The following STN1 variants were observed in gnomAD, a reference collection of about 807,000 sequenced individuals.
STN1 encodes CST complex subunit STN1.
A neutral mutation model predicts 45.5 loss-of-function variants in STN1; 29 were observed. The observed-to-expected ratio is 0.64, with a 90% CI of 0.47 to 0.87. The LOEUF (loss-of-function observed/expected upper bound fraction) is 0.87. Ranked by LOEUF, STN1 falls within the 40% of genes least tolerant of loss-of-function variation. The pLI is 0.00. For synonymous variants in STN1, 148 were observed against 159.0 expected (o/e 0.93, Z 0.52); for missense variants, 376 against 441.4 (o/e 0.85, Z 1.33).
chr10:103,892,880 C>T (rs748805422), intron 7 of STN1, among the ~76,000 whole-genome samples: 7 of 152,140 alleles, frequency 4.6e-5, no homozygotes, highest in Admixed American at 6.5e-5. Flanking sequence ...TCTGGAGACA[C>T]GTTTGCCTGG....
intron 4 of STN1, among the ~76,000 whole-genome samples, chr10:103,903,280 T>G (rs1402302398): frequency 6.6e-6 from 1 of 152,224 alleles, no homozygotes; most frequent in Non-Finnish European, 1.5e-5. Flanking sequence ...AGAAAAACTT[T>G]GCTGACTCCC....
rs563781011 is a variant in STN1 at position 103,897,554 on chromosome 10, G to A, written c.747C>T (p.Ser249=). ...ANQPVIHSAS[S]DQVNFKKDTT... is the part of the protein sequence containing the mutation. ...ATGGGCATGCTGCACTCACTTGGTC[G>A]GAGGAGGCACTGTGAATCACAGGCT... Residue 249 remains serine, a synonymous_variant, in exon 7 of 10, where the codon TCC becomes TCT. Coordinates refer to ENST00000224950, the MANE Select transcript of STN1 (RefSeq NM_024928.5). The A allele has an allele frequency of 8.7e-6, 14 of 1,613,950 alleles. No individual in the cohort carries two copies. The highest frequency in any genetic ancestry group is 2.2e-5 in the East Asian group (1 of 44,888).
In STN1 at chr10:103,918,083, C is replaced by G. The variant is rs546269071; in HGVS notation, c.-63+17G>C. ...GCCAAGAAAAGGAGGAAAAAAGATA[C>G]TAAAAAATGGACCCACTTGTAGCCC... is the stretch of plus-strand genomic sequence containing the variant. On this transcript the variant is annotated intron_variant, in intron 1 of 9. Coordinates refer to ENST00000224950, the MANE Select transcript of STN1 (RefSeq NM_024928.5). 1 of 153,362 alleles carries G rather than the reference C, an allele frequency of 6.5e-6. No individual in the cohort carries two copies. Among genetic ancestry groups the G allele is most frequent in the Non-Finnish European group, 1.5e-5 (1 of 68,726 alleles). The allele number at this position is 153,362 out of a possible 1,614,324, so 9.5% of individuals were successfully genotyped here.
At chr10:103,890,838 T>C (rs528691570) in intron 8 of STN1, among the ~76,000 whole-genome samples, 1 of 152,360 alleles carries the variant, frequency 6.6e-6, no homozygotes, top group African/African-American at 2.4e-5. Flanking sequence ...TGCCTGTGAA[T>C]AGTGAGACTT....
At chr10:103,914,353 T>C (rs1296520726) in intron 2 of STN1, among the ~76,000 whole-genome samples, 14 of 21,368 alleles carry the variant, frequency 6.6e-4, no homozygotes, top group South Asian at 6.1e-3. Context: ...TATATATATA[T>C]ATATATATAT....
intron 2 of STN1, among the ~76,000 whole-genome samples, chr10:103,915,551 C>T (rs905546699): frequency 6.6e-6 from 1 of 152,228 alleles, no homozygotes; most frequent in African/African-American, 2.4e-5. Context: ...TTCTTTATCA[C>T]ACAACACATT....
intron 8 of STN1, among the ~76,000 whole-genome samples, chr10:103,889,785 C>T (rs1203037847): frequency 6.7e-6 from 1 of 149,878 alleles, no homozygotes. Flanking sequence ...TCACTGCAAC[C>T]TCCGCCTCCC....
chr10:103,893,619 C>T (rs1459604412), intron 7 of STN1, among the ~76,000 whole-genome samples: 2 of 152,150 alleles, frequency 1.3e-5, no homozygotes, highest in Non-Finnish European at 2.9e-5. Flanking sequence ...GGGCAGCACC[C>T]AGAGGTGCTG....
At chr10:103,899,672 G>GT (rs1255503843) in intron 5 of STN1, among the ~76,000 whole-genome samples, 1 of 148,954 alleles carries the variant, frequency 6.7e-6, no homozygotes, top group East Asian at 1.9e-4. Flanking sequence ...GGGCAACAGT[G>GT]TAAGACTCTG....
intron 9 of STN1, among the ~76,000 whole-genome samples, chr10:103,886,398 A>AT (rs1843103411): frequency 8.5e-6 from 1 of 117,836 alleles, no homozygotes; most frequent in African/African-American, 2.8e-5. Flanking sequence ...CCAGTCTTTT[A>AT]ATTTTTTTTT....
At chr10:103,882,885 G>T (rs1843079860) in intron 9 of STN1, 44 bp from the exon 10 acceptor site, 1 of 1,578,908 alleles carries the variant, frequency 6.3e-7, no homozygotes. Context: ...ACAACTGTCA[G>T]GCCCTCCTCT....
chr10:103,890,433 T>C (rs1337228059), intron 8 of STN1, among the ~76,000 whole-genome samples: 2 of 152,234 alleles, frequency 1.3e-5, no homozygotes, highest in African/African-American at 2.4e-5. Context: ...AAGTCAGAGA[T>C]GGCGACAAGA....
chr10:103,892,861 C>G (rs1843148814), intron 7 of STN1, among the ~76,000 whole-genome samples: 1 of 152,160 alleles, frequency 6.6e-6, no homozygotes, highest in Non-Finnish European at 1.5e-5. Flanking sequence ...TTCAGTGTCT[C>G]TTCACTTCTC....
chr10:103,899,047 T>C (rs1486121109), intron 5 of STN1, 47 bp from the exon 6 acceptor site: 2 of 1,603,124 alleles, frequency 1.2e-6, no homozygotes, highest in African/African-American at 1.3e-5. Flanking sequence ...ACAAATTACA[T>C]TGAGATCAAT....
intron 3 of STN1, among the ~76,000 whole-genome samples, chr10:103,909,396 ATGTATATATATGTATATATG>A (rs1843267797): frequency 2.9e-5 from 2 of 68,768 alleles, no homozygotes; most frequent in African/African-American, 9.7e-5. Context: ...ATATGTATAT[ATGTATATATATGTATATATG>A]TATATATGTA....
intron 4 of STN1, among the ~76,000 whole-genome samples, chr10:103,902,348 G>A (rs896953994): frequency 2.0e-5 from 3 of 152,130 alleles, no homozygotes; most frequent in Non-Finnish European, 4.4e-5. Flanking sequence ...AAATCTCATT[G>A]TCATTATGCA....
chr10:103,895,328 G>GTC (rs1246227164), intron 7 of STN1, among the ~76,000 whole-genome samples: 2 of 152,158 alleles, frequency 1.3e-5, no homozygotes, highest in South Asian at 2.1e-4. Context: ...GAGTCCTTAA[G>GTC]TCTCTCTCTC....
At chr10:103,887,737 A>G (rs925020499) in intron 9 of STN1, among the ~76,000 whole-genome samples, 66 of 152,288 alleles carry the variant, frequency 4.3e-4, no homozygotes, top group African/African-American at 1.5e-3. Context: ...AGCTGTGGGT[A>G]GATGTAGATG....
chr10:103,892,098 A>G (rs940088481), intron 8 of STN1, 32 bp downstream of exon 8: 6 of 1,535,940 alleles, frequency 3.9e-6, no homozygotes, highest in Non-Finnish European at 5.3e-6. Context: ...TTGAAGCTAC[A>G]AAGAAAAAAA....
Sources: gnomAD v4.1 joint callset for allele counts (sites outside exome capture counted in the v4.1 genomes callset) on GRCh38, gnomAD v4.1.1 for gene constraint, MANE v1.5 for transcripts, NCBI Gene and HGNC (gene_info 2026-07-23, HGNC 2026-07-21) for gene names.